Variants in KCNQ3 observed in about 807,000 individuals in gnomAD.
The protein encoded by KCNQ3 is potassium voltage-gated channel subfamily KQT member 3.
KCNQ3 carries 30 observed loss-of-function variants against 92.5 expected under a neutral mutation model. The ratio of observed to expected loss-of-function variants is 0.32; its 90% CI spans 0.24 to 0.44. The LOEUF (loss-of-function observed/expected upper bound fraction) is 0.44. Among genes scored for constraint, KCNQ3 ranks in the 20% least tolerant of loss-of-function variants. The pLI, the probability that KCNQ3 is intolerant of heterozygous loss-of-function variation, is 1.00. For synonymous variants in KCNQ3, 450 were observed against 468.8 expected (o/e 0.96, Z 0.52); for missense variants, 913 against 1,140.3 (o/e 0.80, Z 2.87).
chr8:132,200,591 G>T (rs1172733294), intron 1 of KCNQ3, among the ~76,000 whole-genome samples: 1 of 152,152 alleles, frequency 6.6e-6, no homozygotes, highest in East Asian at 1.9e-4. Context: ...TTAGATAATG[G>T]AGCATTTAAA....
At chr8:132,160,867 C>G (rs1313560433) in intron 9 of KCNQ3, among the ~76,000 whole-genome samples, 2 of 152,106 alleles carry the variant, frequency 1.3e-5, no homozygotes, top group East Asian at 1.9e-4. Flanking sequence ...AGGGGCCGAG[C>G]GTTATAAAGT....
intron 1 of KCNQ3, among the ~76,000 whole-genome samples, chr8:132,360,906 G>C (rs1229730616): frequency 6.6e-6 from 1 of 152,190 alleles, no homozygotes; most frequent in East Asian, 1.9e-4. Flanking sequence ...AGAAGACAGG[G>C]AGGGACTGTG....
chr8:132,293,730 C>T (rs1454341664), intron 1 of KCNQ3, among the ~76,000 whole-genome samples: 1 of 152,086 alleles, frequency 6.6e-6, no homozygotes, highest in Non-Finnish European at 1.5e-5. Flanking sequence ...TGTCATATCT[C>T]TTTGGGTCTT....
At chr8:132,384,415 G>A (rs973260068) in intron 1 of KCNQ3, among the ~76,000 whole-genome samples, 2 of 152,178 alleles carry the variant, frequency 1.3e-5, no homozygotes, top group East Asian at 1.9e-4. Flanking sequence ...ATTCCAGGAC[G>A]GAGACAGGCT....
intron 1 of KCNQ3, among the ~76,000 whole-genome samples, chr8:132,251,855 T>C (rs1815422406): frequency 6.6e-6 from 1 of 152,258 alleles, no homozygotes; most frequent in Admixed American, 6.5e-5. Flanking sequence ...TATTTCTATC[T>C]GGACCTTTAT....
chr8:132,395,834 G>A (rs547033769), intron 1 of KCNQ3, among the ~76,000 whole-genome samples: 71 of 152,338 alleles, frequency 4.7e-4, no homozygotes, highest in Non-Finnish European at 7.2e-4. Context: ...CTAGGGGAAT[G>A]TCGCATCTCA....
rs140570038 is a variant in KCNQ3 at position 132,250,921 on chromosome 8, T to C, written c.387-64740A>G. Among the ~76,000 whole-genome samples, 521 of 152,308 alleles carry C rather than the reference T, an allele frequency of 3.4e-3. 3 individuals carry two copies. The highest frequency in any genetic ancestry group is 0.01 in the Middle Eastern group (3 of 294). On this transcript the variant is annotated intron_variant, in intron 1 of 14. Transcript: ENST00000388996. ...AGTGCAGTTCATCAACTCTCCCCAG[T>C]AGTCAAAGATCGACCTCTTAGACCA...
intron 1 of KCNQ3, among the ~76,000 whole-genome samples, 157 bp downstream of exon 1, chr8:132,479,990 A>ACC (rs1253866827): frequency 6.4e-4 from 95 of 147,800 alleles, no homozygotes; most frequent in Admixed American, 1.1e-3. Context: ...ACACACACAC[A>ACC]CACCCAGGGA....
chr8:132,437,692 C>T (rs998346975), intron 1 of KCNQ3, among the ~76,000 whole-genome samples: 4 of 152,238 alleles, frequency 2.6e-5, no homozygotes, highest in African/African-American at 7.2e-5. Flanking sequence ...TCTCATGCAC[C>T]GTATTTTCAT....
chr8:132,309,276 A>G (rs546409831), intron 1 of KCNQ3, among the ~76,000 whole-genome samples: 1 of 152,180 alleles, frequency 6.6e-6, no homozygotes, highest in East Asian at 1.9e-4. Flanking sequence ...ATTTACCTCT[A>G]TCTGATTAGT....
intron 4 of KCNQ3, among the ~76,000 whole-genome samples, chr8:132,178,281 T>C (rs771765233): frequency 6.6e-6 from 1 of 152,208 alleles, no homozygotes; most frequent in African/African-American, 2.4e-5. Context: ...AAGGGGCCTG[T>C]AAAGCATGCT....
At chr8:132,231,601 T>G (rs957429233) in intron 1 of KCNQ3, among the ~76,000 whole-genome samples, 9 of 152,178 alleles carry the variant, frequency 5.9e-5, no homozygotes, top group Non-Finnish European at 8.8e-5. Flanking sequence ...TATGAGAACA[T>G]AGCAAGAAGG....
chr8:132,330,160 G>A (rs1392901423), intron 1 of KCNQ3, among the ~76,000 whole-genome samples: 2 of 152,186 alleles, frequency 1.3e-5, no homozygotes, highest in South Asian at 2.1e-4. Context: ...AGTGGAGACT[G>A]CAGTGATATG....
intron 1 of KCNQ3, among the ~76,000 whole-genome samples, chr8:132,295,517 G>A (rs1290167239): frequency 6.6e-6 from 1 of 152,176 alleles, no homozygotes; most frequent in African/African-American, 2.4e-5. Flanking sequence ...ATTTGACCCA[G>A]CAATCCCATT....
intron 1 of KCNQ3, among the ~76,000 whole-genome samples, chr8:132,232,878 T>C (rs1586849806): frequency 1.3e-5 from 2 of 152,242 alleles, no homozygotes; most frequent in African/African-American, 2.4e-5. Flanking sequence ...AAGGTCTCCA[T>C]ATCTTTCTTC....
At chr8:132,440,113 G>C (rs938983727) in intron 1 of KCNQ3, among the ~76,000 whole-genome samples, 7 of 152,070 alleles carry the variant, frequency 4.6e-5, no homozygotes, top group African/African-American at 1.7e-4. Flanking sequence ...ATACTGAATT[G>C]TTTCTTTTTA....
intron 1 of KCNQ3, among the ~76,000 whole-genome samples, chr8:132,368,376 G>A (rs977896619): frequency 3.9e-5 from 6 of 152,052 alleles, no homozygotes; most frequent in African/African-American, 9.7e-5. Flanking sequence ...ATAAATAGTC[G>A]TGCACAGTGG....
chr8:132,137,861 TC>T, intron 12 of KCNQ3, 23 bp downstream of exon 12: 1 of 1,613,464 alleles, frequency 6.2e-7, no homozygotes, highest in Non-Finnish European at 8.5e-7. Flanking sequence ...GGGAGCGCAG[TC>T]CCTCCAGATG....
chr8:132,232,847 C>A (rs1466196327), intron 1 of KCNQ3, among the ~76,000 whole-genome samples: 1 of 152,156 alleles, frequency 6.6e-6, no homozygotes, highest in Non-Finnish European at 1.5e-5. Flanking sequence ...GCTAGGAAGT[C>A]TTTTGGTTTT....
Sources: gnomAD v4.1 joint callset for allele counts (sites outside exome capture counted in the v4.1 genomes callset) on GRCh38, gnomAD v4.1.1 for gene constraint, MANE v1.5 for transcripts, NCBI Gene and HGNC (gene_info 2026-07-23, HGNC 2026-07-21) for gene names.